Variants in KCNH1 observed in about 807,000 individuals in gnomAD.
The protein encoded by KCNH1 is voltage-gated delayed rectifier potassium channel KCNH1.
A neutral mutation model predicts 69.2 loss-of-function variants in KCNH1; 27 were observed. The observed-to-expected ratio is 0.39, with a 90% CI of 0.29 to 0.54. KCNH1 has a LOEUF of 0.54. Among genes scored for constraint, KCNH1 ranks in the 20% least tolerant of loss-of-function variants. KCNH1 has a pLI of 0.68. For missense variants in KCNH1, 798 were observed against 1,261.6 expected (o/e 0.63, Z 5.57); for synonymous variants, 456 against 487.7 (o/e 0.93, Z 0.86).
chr1:210,748,220 G>A lies in KCNH1; in HGVS notation c.2112+27128C>T, dbSNP rs184431937. ...CCTTCAGACCTCCCCAGGGCGTGAC[G>A]CAGGAGTGGGATAGTGGGTATCTGG... On this transcript the variant is annotated intron_variant, in intron 10 of 10. Transcript: ENST00000271751. 8.4e-4 allele frequency among the ~76,000 whole-genome samples: 128 copies of A among 152,302 alleles called. 1 individual carries two copies. Among genetic ancestry groups the A allele is most frequent in the Non-Finnish European group, 6.0e-4 (41 of 68,024 alleles).
At chr1:211,102,246 C>T (rs531166420) in intron 3 of KCNH1, among the ~76,000 whole-genome samples, 30 of 152,308 alleles carry the variant, frequency 2.0e-4, no homozygotes, top group Non-Finnish European at 4.0e-4. Context: ...GTGCTGCCAA[C>T]GTGGAAAACT....
At chr1:210,721,526 C>T (rs1034482540) in intron 10 of KCNH1, among the ~76,000 whole-genome samples, 1 of 152,154 alleles carries the variant, frequency 6.6e-6, no homozygotes, top group Non-Finnish European at 1.5e-5. Flanking sequence ...CAGAAGACTG[C>T]ATAGAAGTTG....
chr1:210,944,838 A>C (rs889984694), intron 6 of KCNH1, among the ~76,000 whole-genome samples: 2 of 152,252 alleles, frequency 1.3e-5, no homozygotes, highest in Non-Finnish European at 2.9e-5. Context: ...AGGTTGTACA[A>C]CCATCACCAC....
At chr1:210,940,772 T>C (rs1400573098) in intron 6 of KCNH1, among the ~76,000 whole-genome samples, 1 of 152,200 alleles carries the variant, frequency 6.6e-6, no homozygotes, top group East Asian at 1.9e-4. Context: ...TCAAACCATA[T>C]CTCCATCTTC....
At chr1:210,784,195 G>T (rs1684048487) in intron 9 of KCNH1, among the ~76,000 whole-genome samples, 1 of 152,170 alleles carries the variant, frequency 6.6e-6, no homozygotes, top group South Asian at 2.1e-4. Flanking sequence ...AGTTGATTTT[G>T]AACACTTAAT....
intron 6 of KCNH1, among the ~76,000 whole-genome samples, chr1:210,938,755 A>G (rs1005338197): frequency 1.3e-5 from 2 of 152,230 alleles, no homozygotes; most frequent in African/African-American, 4.8e-5. Context: ...CCCAGTGGGA[A>G]GATGAGTCAC....
intron 10 of KCNH1, among the ~76,000 whole-genome samples, chr1:210,748,369 C>T (rs985320626): frequency 6.6e-6 from 1 of 152,170 alleles, no homozygotes; most frequent in Non-Finnish European, 1.5e-5. Context: ...GAAAGAAACC[C>T]TTAGTTAACG....
At chr1:211,010,089 C>T (rs879573495) in intron 6 of KCNH1, among the ~76,000 whole-genome samples, 4 of 152,142 alleles carry the variant, frequency 2.6e-5, no homozygotes, top group Admixed American at 2.6e-4. Context: ...TCAATCTGCA[C>T]AATGATGGAG....
chr1:210,862,283 T>C (rs763912940), intron 7 of KCNH1: 43 of 940,624 alleles, frequency 4.6e-5, no homozygotes, highest in East Asian at 1.0e-4. Flanking sequence ...TTGGGGTCCA[T>C]TGCAGCATGA....
chr1:211,112,412 C>T (rs1217472394), intron 1 of KCNH1, among the ~76,000 whole-genome samples: 1 of 151,584 alleles, frequency 6.6e-6, no homozygotes, highest in East Asian at 1.9e-4. Flanking sequence ...TGCAACTCTC[C>T]AAGTATGAAG....
intron 7 of KCNH1, among the ~76,000 whole-genome samples, chr1:210,844,109 T>C (rs1685483060): frequency 6.6e-6 from 1 of 152,178 alleles, no homozygotes; most frequent in Non-Finnish European, 1.5e-5. Flanking sequence ...CTTTTTTGGT[T>C]TAGCTGAATT....
intron 1 of KCNH1, among the ~76,000 whole-genome samples, chr1:211,127,276 G>A (rs1011810311): frequency 2.0e-5 from 3 of 151,998 alleles, no homozygotes; most frequent in African/African-American, 7.2e-5. Context: ...CTTTCCTTCA[G>A]TCATTTTGTT....
chr1:210,875,557 C>A (rs1318603644), intron 7 of KCNH1, among the ~76,000 whole-genome samples: 1 of 152,148 alleles, frequency 6.6e-6, no homozygotes, highest in Admixed American at 6.5e-5. Context: ...AATCCCAGCA[C>A]TTTGGGAGGC....
chr1:210,696,209 AT>A (rs1574188113), intron 10 of KCNH1, among the ~76,000 whole-genome samples: 1 of 152,110 alleles, frequency 6.6e-6, no homozygotes, highest in Non-Finnish European at 1.5e-5. Flanking sequence ...GGCACAAGAT[AT>A]GCAACACCCC....
intron 10 of KCNH1, among the ~76,000 whole-genome samples, chr1:210,726,019 T>C (rs963878446): frequency 2.0e-5 from 3 of 152,222 alleles, no homozygotes; most frequent in Non-Finnish European, 4.4e-5. Flanking sequence ...CTTAGTCATA[T>C]TCACATTCCC....
chr1:210,778,314 A>C (rs1462085007), intron 9 of KCNH1, among the ~76,000 whole-genome samples: 1 of 152,132 alleles, frequency 6.6e-6, no homozygotes, highest in Non-Finnish European at 1.5e-5. Context: ...ACACAGAATC[A>C]TGGAGCTTGA....
chr1:210,894,539 T>C (rs1294991256), intron 7 of KCNH1, among the ~76,000 whole-genome samples: 1 of 152,216 alleles, frequency 6.6e-6, no homozygotes, highest in Non-Finnish European at 1.5e-5. Context: ...AGTATCTTCC[T>C]AGTTTTCTCT....
Position 210,859,885 on chromosome 1 carries a change from T to C in KCNH1, c.1463-55719A>G, listed in dbSNP as rs1685938462. ...TTAGGGAAGTGAAGATTTTCTAAGG[T>C]ATTTAGTAATAGGTATGCATTATAA... On this transcript the variant is annotated intron_variant, in intron 7 of 10. Coordinates refer to ENST00000271751, the MANE Select transcript of KCNH1 (RefSeq NM_172362.3). 3 of 1,247,116 alleles carry C rather than the reference T, an allele frequency of 2.4e-6. No individual in the cohort carries two copies. The East Asian group carries it at 7.0e-5, about 29-fold the overall frequency. The allele number at this position is 1,247,116 out of a possible 1,614,324, so 77.3% of individuals were successfully genotyped here.
At chr1:211,074,922 T>C (rs1362350925) in intron 5 of KCNH1, among the ~76,000 whole-genome samples, 2 of 152,196 alleles carry the variant, frequency 1.3e-5, no homozygotes, top group African/African-American at 4.8e-5. Context: ...ATAAGCCAAT[T>C]CTTTGCAATA....
Sources: gnomAD v4.1 joint callset for allele counts (sites outside exome capture counted in the v4.1 genomes callset) on GRCh38, gnomAD v4.1.1 for gene constraint, MANE v1.5 for transcripts, NCBI Gene and HGNC (gene_info 2026-07-23, HGNC 2026-07-21) for gene names.